SLC17A3: variants seen among roughly 807,000 people sequenced by gnomAD.
SLC17A3 encodes the protein sodium-dependent phosphate transport protein 4.
Under a neutral mutation model 60.3 loss-of-function variants are expected in SLC17A3, and 61 were observed. The observed-to-expected ratio is 1.01, with a 90% confidence interval of 0.82 to 1.25. The LOEUF is 1.25. Among genes scored for constraint, SLC17A3 ranks in the 50% most tolerant of loss-of-function variants. SLC17A3 has a pLI of 0.00. For missense variants in SLC17A3, 624 were observed against 594.9 expected (o/e 1.05, Z -0.51); for synonymous variants, 192 against 208.9 (o/e 0.92, Z 0.70).
chr6:25,849,607 T>C (rs1765236538), intron 10 of SLC17A3, 143 bp from the exon 11 acceptor site: 1 of 745,114 alleles, frequency 1.3e-6, no homozygotes, highest in African/African-American at 1.8e-5. Context: ...AAAAAGGACT[T>C]GCACTATGTA....
At chr6:25,849,983 G>A in intron 9 of SLC17A3, 31 bp from the exon 10 acceptor site, 1 of 1,613,976 alleles carries the variant, frequency 6.2e-7, no homozygotes, top group Non-Finnish European at 8.5e-7. Flanking sequence ...CAATTAAACA[G>A]TGAGATGCAT....
intron 1 of SLC17A3, among the ~76,000 whole-genome samples, chr6:25,871,603 A>G (rs199705547): frequency 6.6e-6 from 1 of 151,612 alleles, no homozygotes. Context: ...AAACCTGCAC[A>G]TTGTGCACAT....
In SLC17A3 at chr6:25,855,250, A is replaced by G. The variant is rs778942271; in HGVS notation, c.626-20T>C. 1 of 1,559,900 alleles carries G rather than the reference A, an allele frequency of 6.4e-7. No homozygotes were observed. The highest frequency in any genetic ancestry group is 8.8e-7 in the Non-Finnish European group (1 of 1,131,318). Reference sequence around the variant, plus strand: ...ACATTCCTGCAAAGAGAGAGAAAGTAAGCTGTGGGACTCTAGACTTCTACC... The same window carrying G: ...ACATTCCTGCAAAGAGAGAGAAAGTGAGCTGTGGGACTCTAGACTTCTACC... On this transcript the variant is annotated intron_variant, in intron 5 of 12. Coordinates refer to ENST00000397060, the MANE Select transcript of SLC17A3 (RefSeq NM_001098486.2).
intron 11 of SLC17A3, 115 bp downstream of exon 11, chr6:25,849,259 A>G (rs536316856): frequency 3.9e-4 from 275 of 710,936 alleles, no homozygotes; most frequent in Non-Finnish European, 6.4e-4. Flanking sequence ...GTTCATCTTA[A>G]TGACAAATTA....
chr6:25,858,959 G>T (rs1204857940), intron 5 of SLC17A3, among the ~76,000 whole-genome samples: 1 of 152,136 alleles, frequency 6.6e-6, no homozygotes, highest in Admixed American at 6.6e-5. Flanking sequence ...CTTCATTAAA[G>T]TTGTATCATC....
intron 5 of SLC17A3, 66 bp from the exon 6 acceptor site, chr6:25,855,296 A>T (rs1765340850): frequency 9.4e-7 from 1 of 1,066,774 alleles, no homozygotes; most frequent in South Asian, 1.3e-5. Context: ...ATACAAATTG[A>T]TAGATGACAT....
At chr6:25,870,348 G>A (rs983519204) in intron 1 of SLC17A3, among the ~76,000 whole-genome samples, 2 of 151,952 alleles carry the variant, frequency 1.3e-5, no homozygotes, top group Non-Finnish European at 2.9e-5. Context: ...TGTGCTACAT[G>A]GCAATGCTAA....
At chr6:25,874,106 C>T (rs1765691729) in intron 1 of SLC17A3, 61 bp downstream of exon 1, 1 of 152,018 alleles carries the variant, frequency 6.6e-6, no homozygotes, top group African/African-American at 2.4e-5. Flanking sequence ...AAAAATTGTC[C>T]ATTGCTATAC....
intron 1 of SLC17A3, among the ~76,000 whole-genome samples, chr6:25,870,087 A>G (rs1044594629): frequency 6.6e-6 from 1 of 152,052 alleles, no homozygotes; most frequent in Non-Finnish European, 1.5e-5. Context: ...ATTAATGTAC[A>G]GGTCTTTGTA....
At chr6:25,855,935 GT>G (rs1765349981) in intron 5 of SLC17A3, among the ~76,000 whole-genome samples, 1 of 151,972 alleles carries the variant, frequency 6.6e-6, no homozygotes, top group Non-Finnish European at 1.5e-5. Context: ...CTATTGTTTT[GT>G]GACTTCACTT....
At chr6:25,848,803 A>G (rs755481436) in intron 11 of SLC17A3, among the ~76,000 whole-genome samples, 1 of 152,202 alleles carries the variant, frequency 6.6e-6, no homozygotes, top group East Asian at 1.9e-4. Flanking sequence ...GAATAAACAG[A>G]CAACCCACAG....
At chr6:25,845,721 T>G (rs532368086) in intron 11 of SLC17A3, among the ~76,000 whole-genome samples, 5 of 152,354 alleles carry the variant, frequency 3.3e-5, no homozygotes, top group Admixed American at 3.3e-4. Context: ...TTGTGATTAA[T>G]CTACATAAAT....
In SLC17A3 at chr6:25,844,972, A is replaced by G. The variant is rs1765147692; in HGVS notation, c.*329T>C. On this transcript the variant is annotated 3_prime_UTR_variant, in exon 13 of 13. Coordinates refer to ENST00000397060, the MANE Select transcript of SLC17A3 (RefSeq NM_001098486.2). The stretch of plus-strand genomic sequence containing the variant: ...AACAGGAAAAATCATTGCCCTAGTG[A>G]GTTTGTCACCCCGGATTAAAGGTTT... The G allele has an allele frequency of 5.1e-6, 1 of 195,532 alleles. No individual in the cohort carries two copies. The highest frequency in any genetic ancestry group is 1.1e-5 in the Non-Finnish European group (1 of 93,762). The allele number at this position is 195,532 out of a possible 1,614,324, so 12.1% of individuals were successfully genotyped here.
Position 25,849,795 on chromosome 6 carries a change from A to G in SLC17A3, c.1271+10T>C, listed in dbSNP as rs776667333. ...AAATGTGAAACTGATAGTGGAGATC[A>G]GAGTCCTACCTTGGAGCAATATCTA... On this transcript the variant is annotated intron_variant, in intron 10 of 12. Coordinates refer to ENST00000397060, the MANE Select transcript of SLC17A3 (RefSeq NM_001098486.2). The G allele has an allele frequency of 3.1e-6, 5 of 1,612,800 alleles. No homozygotes were observed.
rs139869471 is a variant in SLC17A3, at chr6:25,862,423, C to T, written c.113G>A (p.Arg38His). The T allele has an allele frequency of 1.2e-5, 20 of 1,613,282 alleles. No homozygotes were observed. The highest frequency in any genetic ancestry group is 2.2e-5 in the South Asian group (2 of 91,060). ...PRKVPSLCSA[R>H]YGIALVLHFC... Reference sequence around the variant, plus strand: ...ATGTAAGACGAGGGCTATTCCATAGCGAGCAGAACATAAACTTGGAACTGG... The same window carrying T: ...ATGTAAGACGAGGGCTATTCCATAGTGAGCAGAACATAAACTTGGAACTGG... Residue 38 changes from arginine to histidine, a missense_variant, in exon 3 of 13, where the codon CGC (arginine) becomes CAC (histidine). Arg to His is a conservative substitution (Grantham distance 29). Transcript: ENST00000397060.
chr6:25,869,610 A>C (rs988536142), intron 1 of SLC17A3, among the ~76,000 whole-genome samples: 1 of 151,986 alleles, frequency 6.6e-6, no homozygotes, highest in Non-Finnish European at 1.5e-5. Flanking sequence ...TCATGGCAAA[A>C]GGCGAAGAAA....
Position 25,855,175 on chromosome 6 carries a change from G to T in SLC17A3, c.681C>A (p.Thr227=), listed in dbSNP as rs760924891. The T allele has an allele frequency of 1.9e-6, 3 of 1,613,390 alleles. No homozygotes were observed. Among genetic ancestry groups the T allele is most frequent in the South Asian group, 1.1e-5 (1 of 91,028 alleles). ...TATAGAAGACAAAGGGCCACCCAAG[G>T]GTTTCACTAATGAAGCCACCTATGA... The part of the protein sequence containing the change: ...AILIGGFISE[T]LGWPFVFYIF... The change falls in exon 6 of 13, where the codon ACC becomes ACA. Residue 227 remains threonine, a synonymous_variant. Coordinates refer to ENST00000397060, the MANE Select transcript of SLC17A3 (RefSeq NM_001098486.2).
chr6:25,861,965 C>T lies in SLC17A3; in HGVS notation c.368G>A (p.Gly123Asp), dbSNP rs865972698. The change falls in exon 4 of 13, where the codon GGC becomes GAC. Residue 123 changes from glycine (G) to aspartate (D), a missense_variant. Gly to Asp is a moderately conservative substitution (Grantham distance 94, BLOSUM62 -1). Coordinates refer to ENST00000397060, the MANE Select transcript of SLC17A3 (RefSeq NM_001098486.2). ...TCCACTGGGAGCCATTGTCAGTATG[C>T]CACCATAGCCAACAGCACCAAAGAT... ...GIIFGAVGYG[G>D]ILTMAPSGYL... 2 of 1,611,760 alleles carry T rather than the reference C, an allele frequency of 1.2e-6. No individual in the cohort carries two copies. Among genetic ancestry groups the T allele is most frequent in the Admixed American group, 1.7e-5 (1 of 59,642 alleles).
intron 2 of SLC17A3, among the ~76,000 whole-genome samples, chr6:25,864,013 T>C (rs1017846731): frequency 4.6e-5 from 7 of 151,994 alleles, no homozygotes; most frequent in African/African-American, 1.4e-4. Flanking sequence ...TGATAAATGC[T>C]GTAGAGAAAA....
Sources: gnomAD v4.1 joint callset for allele counts (sites outside exome capture counted in the v4.1 genomes callset) on GRCh38, gnomAD v4.1.1 for gene constraint, MANE v1.5 for transcripts, NCBI Gene and HGNC (gene_info 2026-07-23, HGNC 2026-07-21) for gene names.